Variants in GPLD1 observed in about 807,000 individuals in gnomAD.
GPLD1 encodes glycosylphosphatidylinositol specific phospholipase D1, also known as phosphatidylinositol-glycan-specific phospholipase D.
GPLD1 carries 84 observed loss-of-function variants against 112.6 expected under a neutral mutation model. The ratio of observed to expected loss-of-function variants is 0.75; its 90% CI spans 0.63 to 0.89. The LOEUF is 0.89. Among genes scored for constraint, GPLD1 ranks in the 40% least tolerant of loss-of-function variants. The probability of loss-of-function intolerance (pLI) is 0.00; values close to 1 mark genes in which losing one functional copy is unlikely to be tolerated. For missense variants in GPLD1, 1,044 were observed against 1,051.5 expected, an observed-to-expected ratio of 0.99 and a Z score of 0.10; for synonymous variants, 386 against 403.8, an observed-to-expected ratio of 0.96 and a Z score of 0.53.
intron 7 of GPLD1, among the ~76,000 whole-genome samples, chr6:24,468,051 C>A (rs571446634): frequency 6.6e-6 from 1 of 152,112 alleles, no homozygotes; most frequent in Admixed American, 6.5e-5. Context: ...GGATTACAGG[C>A]GTGTGCCACC....
chr6:24,453,279 TA>T (rs1163405432), intron 14 of GPLD1, among the ~76,000 whole-genome samples: 3 of 152,044 alleles, frequency 2.0e-5, no homozygotes, highest in African/African-American at 4.8e-5. Flanking sequence ...GATGTTAACA[TA>T]GGGGAAAATG....
At chr6:24,480,661 A>G in intron 2 of GPLD1, among the ~76,000 whole-genome samples, 1 of 151,898 alleles carries the variant, frequency 6.6e-6, no homozygotes, top group East Asian at 1.9e-4. Flanking sequence ...GGAGGGCTAA[A>G]AAAAGTGCTT....
intron 22 of GPLD1, chr6:24,435,963 A>T: frequency 7.6e-6 from 1 of 131,516 alleles, no homozygotes; most frequent in African/African-American, 3.7e-5. Context: ...TTTTAATGAA[A>T]CTCCAGTGGC....
chr6:24,482,757 A>G (rs1297698683), intron 2 of GPLD1, among the ~76,000 whole-genome samples: 3 of 151,334 alleles, frequency 2.0e-5, no homozygotes, highest in African/African-American at 4.9e-5. Context: ...CCAGGAGTTC[A>G]AGACCAGCCT....
At position 24,447,964 on chromosome 6, in the gene GPLD1, C is replaced by T. The variant is rs1163774565; in HGVS notation, c.1591G>A (p.Val531Ile). The T allele has an allele frequency of 1.2e-6, 2 of 1,613,816 alleles. No individual in the cohort carries two copies. The highest frequency in any genetic ancestry group is 2.2e-5 in the East Asian group (1 of 44,856). The change falls in exon 17 of 25, where the codon GTC becomes ATC. Residue 531 changes from valine to isoleucine, a missense_variant. Transcript: ENST00000230036. ...DVNGDSEPDL[V>I]IGSPFAPGGG... ...CCTGGTGCAAAAGGGGAGCCGATGA[C>T]CAGATCGGGTTCACTGTCTCCATTC...
Position 24,448,037 on chromosome 6 carries a change from A to C in GPLD1, c.1522-4T>G. Reference sequence around the variant, plus strand: ...AGCCCAAGTTACAGTAGATGTCCTTAAGAAGAAACCAGGAAAGCACATTTT... The same window carrying C: ...AGCCCAAGTTACAGTAGATGTCCTTCAGAAGAAACCAGGAAAGCACATTTT... On this transcript the variant is annotated splice_polypyrimidine_tract_variant and splice_region_variant and intron_variant, in intron 16 of 24. Transcript: ENST00000230036. 1 of 1,613,644 alleles carries C rather than the reference A, an allele frequency of 6.2e-7. No homozygotes were observed. The highest frequency in any genetic ancestry group is 8.5e-7 in the Non-Finnish European group (1 of 1,179,868).
chr6:24,476,036 C>T (rs1764004275), intron 4 of GPLD1, 145 bp downstream of exon 4: 3 of 562,838 alleles, frequency 5.3e-6, no homozygotes, highest in Non-Finnish European at 9.5e-6. Flanking sequence ...TAGCCATCTA[C>T]TATGTCCAAG....
In GPLD1 at chr6:24,449,877, G is replaced by A. The variant is rs1441259134; in HGVS notation, c.1358C>T (p.Ala453Val). ...CACGTTAAAGTCCAACACAGCCAAG[G>A]CCGAGCCAAACCGACCTGAGGGCTG... ...GFQPSGRFGSALAVLDFNVDG... is the reference protein window; with the variant it reads ...GFQPSGRFGSVLAVLDFNVDG... The change falls in exon 15 of 25, where the codon GCC becomes GTC. Residue 453 changes from alanine to valine, a missense_variant. Physicochemically the swap from Ala to Val is moderately conservative, Grantham distance 64. Coordinates refer to ENST00000230036, the MANE Select transcript of GPLD1 (RefSeq NM_001503.4). The A allele has an allele frequency of 6.2e-7, 1 of 1,613,880 alleles. No individual in the cohort carries two copies. The highest frequency in any genetic ancestry group is 8.5e-7 in the Non-Finnish European group (1 of 1,179,874).
In GPLD1 at chr6:24,446,925, G is replaced by A. The variant is rs752811865; in HGVS notation, c.1733C>T (p.Ser578Phe). 6 of 1,613,910 alleles carry A rather than the reference G, an allele frequency of 3.7e-6. No individual in the cohort carries two copies. Among genetic ancestry groups the A allele is most frequent in the Non-Finnish European group, 5.1e-6 (6 of 1,179,902 alleles). ...ACCGTGAAGGGAATATCCAAACCAGGAGAAGTCTTCCTCGCCTCTCACCGT... is the reference window on the plus strand; with the variant it reads ...ACCGTGAAGGGAATATCCAAACCAGAAGAAGTCTTCCTCGCCTCTCACCGT... ...NWTVRGEEDF[S>F]WFGYSLHGVT... The change falls in exon 18 of 25, where the codon TCC becomes TTC. Residue 578 changes from serine to phenylalanine, a missense_variant. Transcript: ENST00000230036.
At chr6:24,486,804 C>G (rs534598664) in intron 1 of GPLD1, among the ~76,000 whole-genome samples, 1 of 114,790 alleles carries the variant, frequency 8.7e-6, no homozygotes, top group African/African-American at 3.5e-5. Context: ...GGCAACAGAG[C>G]GAGGCTCTGT....
intron 3 of GPLD1, among the ~76,000 whole-genome samples, chr6:24,476,800 G>A (rs1413199039): frequency 6.6e-6 from 1 of 152,164 alleles, no homozygotes; most frequent in East Asian, 1.9e-4. Context: ...TGTCGTTTGA[G>A]TGGGCCAGTG....
chr6:24,471,708 G>T (rs1344022838), intron 7 of GPLD1, among the ~76,000 whole-genome samples: 1 of 152,118 alleles, frequency 6.6e-6, no homozygotes, highest in Admixed American at 6.6e-5. Context: ...TTGCCCTCAA[G>T]GTAGAAAGGT....
At chr6:24,465,412 T>C (rs979222107) in intron 10 of GPLD1, among the ~76,000 whole-genome samples, 2 of 151,368 alleles carry the variant, frequency 1.3e-5, no homozygotes, top group African/African-American at 4.9e-5. Context: ...TGCAGTGGTG[T>C]GAGCCTGTGG....
rs551677592 is a variant in GPLD1, at chr6:24,446,927, G to A, written c.1731C>T (p.Phe577=). 9 of 1,613,950 alleles carry A rather than the reference G, an allele frequency of 5.6e-6. No homozygotes were observed. In the East Asian group the frequency reaches 6.7e-5, roughly 12 times the overall value. ...CGTGAAGGGAATATCCAAACCAGGA[G>A]AAGTCTTCCTCGCCTCTCACCGTCC... The part of the protein sequence containing the change: ...ANWTVRGEED[F]SWFGYSLHGV... The change falls in exon 18 of 25, where the codon TTC becomes TTT. Residue 577 remains phenylalanine, a synonymous_variant. Transcript: ENST00000230036.
At chr6:24,462,089 TGAG>T (rs770214139) in intron 11 of GPLD1, among the ~76,000 whole-genome samples, 21 of 152,162 alleles carry the variant, frequency 1.4e-4, no homozygotes, top group Non-Finnish European at 2.6e-4. Context: ...GTGAAGTTTA[TGAG>T]TAAGACAATA....
intron 7 of GPLD1, among the ~76,000 whole-genome samples, chr6:24,468,534 G>A (rs1763692960): frequency 6.6e-6 from 1 of 151,892 alleles, no homozygotes; most frequent in Non-Finnish European, 1.5e-5. Flanking sequence ...CTGAACCAAT[G>A]GACATTTTAC....
Position 24,436,715 on chromosome 6 carries a change from G to T in GPLD1, c.2219C>A (p.Pro740His), listed in dbSNP as rs760281417. The T allele has an allele frequency of 6.2e-7, 1 of 1,613,620 alleles. No individual in the cohort carries two copies. The highest frequency in any genetic ancestry group is 1.1e-5 in the South Asian group (1 of 90,946). The change falls in exon 22 of 25, where the codon CCC becomes CAC. Residue 740 changes from proline to histidine, a missense_variant. Physicochemically the swap from Pro to His is moderately conservative, Grantham distance 77. Coordinates refer to ENST00000230036, the MANE Select transcript of GPLD1 (RefSeq NM_001503.4). ...DGLDEIIMAA[P>H]LRIADVTSGL... ...AGAGGTTACATCTGCTATCCTCAGGGGGGCTGCCATGATGATTTCATCTGA... is the reference window on the plus strand; with the variant it reads ...AGAGGTTACATCTGCTATCCTCAGGTGGGCTGCCATGATGATTTCATCTGA...
At chr6:24,458,818 C>G (rs536205337) in intron 12 of GPLD1, among the ~76,000 whole-genome samples, 7 of 151,578 alleles carry the variant, frequency 4.6e-5, no homozygotes, top group African/African-American at 1.5e-4. Flanking sequence ...GCAGAGGTTA[C>G]AGTGAGCTGA....
At chr6:24,462,951 G>A (rs1013247947) in intron 10 of GPLD1, among the ~76,000 whole-genome samples, 156 bp from the exon 11 acceptor site, 3 of 152,168 alleles carry the variant, frequency 2.0e-5, no homozygotes, top group Non-Finnish European at 4.4e-5. Flanking sequence ...TTCTCCCAGA[G>A]AGGGTGGGTA....
Sources: allele counts gnomAD v4.1 joint callset (sites outside exome capture counted in the v4.1 genomes callset), GRCh38; gene constraint gnomAD v4.1.1; transcripts MANE v1.5; gene names NCBI Gene and HGNC (gene_info 2026-07-23, HGNC 2026-07-21).